PPARGC1A: variants seen among roughly 807,000 people sequenced by gnomAD.
The protein encoded by PPARGC1A is peroxisome proliferator-activated receptor gamma coactivator 1-alpha.
Under a neutral mutation model 88.7 loss-of-function variants are expected in PPARGC1A, and 25 were observed. That is an observed-to-expected ratio of 0.28 (90% confidence interval 0.21 to 0.39). The LOEUF (loss-of-function observed/expected upper bound fraction) is 0.39. Among genes scored for constraint, PPARGC1A ranks in the 10% least tolerant of loss-of-function variants. The pLI is 1.00. For missense variants in PPARGC1A, 880 were observed against 968.7 expected (o/e 0.91, Z 1.22); for synonymous variants, 363 against 355.6 (o/e 1.02, Z -0.24).
At chr4:24,032,709 CAT>C in the PPARGC1A span, among the ~76,000 whole-genome samples, 1 of 152,282 alleles carries the variant, frequency 6.6e-6, no homozygotes, top group East Asian at 1.9e-4. Flanking sequence ...TTTTTTAGCA[CAT>C]GTCAAAATTT....
chr4:24,086,049 T>G, the PPARGC1A span, among the ~76,000 whole-genome samples: 1 of 152,186 alleles, frequency 6.6e-6, no homozygotes, highest in African/African-American at 2.4e-5. Flanking sequence ...CTGAAATTAC[T>G]GTCATTGGTA....
At chr4:23,990,453 T>C in the PPARGC1A span, among the ~76,000 whole-genome samples, 12 of 152,120 alleles carry the variant, frequency 7.9e-5, no homozygotes, top group Middle Eastern at 3.4e-3. Flanking sequence ...TTAGGATAGA[T>C]TGTGTTCTTA....
At chr4:23,933,029 C>A in the PPARGC1A span, among the ~76,000 whole-genome samples, 2 of 152,122 alleles carry the variant, frequency 1.3e-5, no homozygotes, top group Non-Finnish European at 2.9e-5. Context: ...AATCAGAAAA[C>A]CCTAAAGGGA....
chr4:23,818,804 T>C (rs1722441222), intron 7 of PPARGC1A, among the ~76,000 whole-genome samples: 1 of 146,604 alleles, frequency 6.8e-6, no homozygotes, highest in African/African-American at 2.5e-5. Flanking sequence ...AGTCCCTGGC[T>C]CTGTTTCTTG....
chr4:24,408,109 T>C, the PPARGC1A span, among the ~76,000 whole-genome samples: 1 of 152,164 alleles, frequency 6.6e-6, no homozygotes. Context: ...ATCTTGGACC[T>C]GAACTTGAGT....
chr4:24,390,532 G>T, the PPARGC1A span, among the ~76,000 whole-genome samples: 1 of 151,948 alleles, frequency 6.6e-6, no homozygotes, highest in Non-Finnish European at 1.5e-5. Flanking sequence ...ACATGTGCAC[G>T]TATACTTATG....
chr4:23,916,773 A>G, the PPARGC1A span, among the ~76,000 whole-genome samples: 1 of 152,236 alleles, frequency 6.6e-6, no homozygotes, highest in Non-Finnish European at 1.5e-5. Context: ...AATGTTAGTT[A>G]TCATCACCAC....
the PPARGC1A span, among the ~76,000 whole-genome samples, chr4:24,388,764 A>G: frequency 6.6e-6 from 1 of 152,104 alleles, no homozygotes; most frequent in Non-Finnish European, 1.5e-5. Flanking sequence ...GTGGGAGTTG[A>G]ACAATGAGAA....
At chr4:24,443,722 A>AT in the PPARGC1A span, among the ~76,000 whole-genome samples, 10,090 of 143,470 alleles carry the variant, frequency 0.07, 717 homozygotes, top group East Asian at 0.3. Flanking sequence ...TGCCCGGCTA[A>AT]TTTTTTTTTT....
chr4:23,976,557 G>A, the PPARGC1A span, among the ~76,000 whole-genome samples: 4 of 152,212 alleles, frequency 2.6e-5, no homozygotes, highest in Admixed American at 2.6e-4. Flanking sequence ...CAATACTTAT[G>A]TGTTGAAGTC....
At chr4:24,072,467 G>A in the PPARGC1A span, among the ~76,000 whole-genome samples, 239 of 151,874 alleles carry the variant, frequency 1.6e-3, 1 homozygote, top group Non-Finnish European at 2.6e-3. Context: ...GCCTCCTCTC[G>A]ATTTTTTCAT....
chr4:24,247,053 G>A, the PPARGC1A span, among the ~76,000 whole-genome samples: 3 of 152,172 alleles, frequency 2.0e-5, no homozygotes, highest in Non-Finnish European at 4.4e-5. Context: ...CTTGAGTCTT[G>A]GAGCATATGG....
the PPARGC1A span, among the ~76,000 whole-genome samples, chr4:24,040,337 T>C: frequency 2.0e-5 from 3 of 152,208 alleles, no homozygotes; most frequent in Non-Finnish European, 2.9e-5. Context: ...CTGACCTCCA[T>C]TCTGTCTCTT....
the PPARGC1A span, among the ~76,000 whole-genome samples, chr4:24,442,834 C>A: frequency 6.6e-6 from 1 of 152,162 alleles, no homozygotes; most frequent in Non-Finnish European, 1.5e-5. Context: ...TAACCACGAG[C>A]CTGTATTTCC....
the PPARGC1A span, among the ~76,000 whole-genome samples, chr4:24,290,845 A>G: frequency 2.0e-5 from 3 of 152,222 alleles, no homozygotes; most frequent in Non-Finnish European, 4.4e-5. Flanking sequence ...ATCCTAGGTG[A>G]CATTAGAGTC....
At chr4:24,139,596 C>G in the PPARGC1A span, among the ~76,000 whole-genome samples, 1 of 152,172 alleles carries the variant, frequency 6.6e-6, no homozygotes, top group African/African-American at 2.4e-5. Context: ...AGTGAGAAAT[C>G]CGCAGAATCT....
At chr4:23,900,407 T>C (rs1256629654), upstream of PPARGC1A, among the ~76,000 whole-genome samples, 1 of 152,206 alleles carries the variant, frequency 6.6e-6, no homozygotes, top group Non-Finnish European at 1.5e-5. Context: ...CTCAAGACAG[T>C]TACCTAAACT....
chr4:24,270,378 G>A, the PPARGC1A span, among the ~76,000 whole-genome samples: 1 of 87,582 alleles, frequency 1.1e-5, no homozygotes, highest in African/African-American at 4.5e-5. Flanking sequence ...ATCGGCTCTT[G>A]GGTGTTTCTC....
the PPARGC1A span, among the ~76,000 whole-genome samples, chr4:23,912,572 G>A: frequency 6.6e-6 from 1 of 152,048 alleles, no homozygotes; most frequent in Non-Finnish European, 1.5e-5. Flanking sequence ...TCCATAATAT[G>A]GGTGAGCCTC....
Sources: gnomAD v4.1 joint callset for allele counts (sites outside exome capture counted in the v4.1 genomes callset) on GRCh38, gnomAD v4.1.1 for gene constraint, MANE v1.5 for transcripts, NCBI Gene and HGNC (gene_info 2026-07-23, HGNC 2026-07-21) for gene names.